The following KBTBD4 variants were observed in gnomAD, a reference collection of about 807,000 sequenced individuals.
KBTBD4 encodes kelch repeat and BTB domain-containing protein 4.
Under a neutral mutation model 43.9 loss-of-function variants are expected in KBTBD4, and 30 were observed. The observed-to-expected ratio is 0.68, with a 90% confidence interval of 0.51 to 0.93. The LOEUF (loss-of-function observed/expected upper bound fraction) is 0.93. Among genes scored for constraint, KBTBD4 ranks in the 40% least tolerant of loss-of-function variants. KBTBD4 has a pLI of 0.00. For missense variants in KBTBD4, 575 were observed against 668.8 expected, an observed-to-expected ratio of 0.86 and a Z score of 1.55; for synonymous variants, 258 against 256.9, an observed-to-expected ratio of 1.00 and a Z score of -0.04.
chr11:47,577,956 T>C lies in KBTBD4; in HGVS notation c.92A>G (p.Tyr31Cys). ...ATCTTTGAAAGTGTAGTTCACAAAG[T>C]AGTTCTCATCCATGGATGCTCCAGG... is the stretch of plus-strand genomic sequence containing the variant. Reference protein sequence around the residue: ...EEPGASMDENYFVNYTFKDRS... With the variant: ...EEPGASMDENCFVNYTFKDRS... The change falls in exon 2 of 4, where the codon TAC becomes TGC. Residue 31 changes from tyrosine to cysteine, a missense_variant. Transcript: ENST00000430070. The C allele has an allele frequency of 6.2e-7, 1 of 1,614,198 alleles. No individual in the cohort carries two copies. Among genetic ancestry groups the C allele is most frequent in the African/African-American group, 1.3e-5 (1 of 75,042 alleles).
At position 47,577,890 on chromosome 11, in the gene KBTBD4, A is replaced by G. The variant is rs760478581; in HGVS notation, c.158T>C (p.Leu53Pro). 5 of 1,614,088 alleles carry G rather than the reference A, an allele frequency of 3.1e-6. No individual in the cohort carries two copies. The highest frequency in any genetic ancestry group is 2.2e-5 in the East Asian group (1 of 44,900). ...AGCAAAGAGCTCCTCCTCTAGACAC[A>G]GTTTCATGATGCCTTGAGCCACACG... ...SGRVAQGIMK[L>P]CLEEELFADV... The change falls in exon 2 of 4, where the codon CTG (leucine) becomes CCG (proline). Residue 53 changes from leucine to proline, a missense_variant. Leu to Pro is a moderately conservative substitution (Grantham distance 98, BLOSUM62 -3). Transcript: ENST00000430070.
intron 1 of KBTBD4, 82 bp downstream of exon 1, chr11:47,578,851 G>A: frequency 1.3e-6 from 2 of 1,545,288 alleles, no homozygotes; most frequent in Non-Finnish European, 1.7e-6. Context: ...CAGCGTCCTC[G>A]CCTTCTCTCT....
Position 47,573,131 on chromosome 11 carries a change from G to A in KBTBD4, c.1404C>T (p.Thr468=), listed in dbSNP as rs897496370. 5.6e-6 allele frequency: 9 copies of A among 1,614,082 alleles called. No homozygotes were observed. Among genetic ancestry groups the A allele is most frequent in the Non-Finnish European group, 7.6e-6 (9 of 1,180,038 alleles). ...VCYNPLLDSF[T]RLCLPEAWSS... Reference sequence around the variant, plus strand: ...TCCAGGCCTCAGGAAGGCAAAGCCGGGTGAAGCTGTCTAGCAAGGGATTGT... The same window carrying A: ...TCCAGGCCTCAGGAAGGCAAAGCCGAGTGAAGCTGTCTAGCAAGGGATTGT... Residue 468 remains threonine (T), a synonymous_variant, in exon 4 of 4, where the codon ACC becomes ACT. Transcript: ENST00000430070. The surrounding 1 kb of genome is among the most constrained non-coding windows in gnomAD (Gnocchi z 4.1).
chr11:47,572,805 G>GAAA lies in KBTBD4; in HGVS notation c.*124_*125insTTT, dbSNP rs2097251554. The GAAA allele has an allele frequency of 1.0e-6, 1 of 980,788 alleles. No homozygotes were observed. The highest frequency in any genetic ancestry group is 1.5e-6 in the Non-Finnish European group (1 of 669,804). 60.8% of individuals were successfully genotyped at this position (980,788 alleles called of 1,614,324 possible). ...AGAACACCTCCATGGATTCAGGGAA[G>GAAA]GGCTGAGGCACTGCCTTTCTAGTAT... is the stretch of plus-strand genomic sequence containing the variant. On this transcript the variant is annotated 3_prime_UTR_variant, in exon 4 of 4. Coordinates refer to ENST00000430070, the MANE Select transcript of KBTBD4 (RefSeq NM_018095.6).
chr11:47,574,865 G>A (rs1422393605), intron 3 of KBTBD4, among the ~76,000 whole-genome samples: 1 of 88,202 alleles, frequency 1.1e-5, no homozygotes, highest in Admixed American at 1.4e-4. Flanking sequence ...TCTCTCTCTA[G>A]CCTGGGCAAC....
In KBTBD4 at chr11:47,573,513, G is replaced by A; in HGVS notation, c.1022C>T (p.Ser341Phe). ...ATATATGGCATCTTTCCCGGGCACA[G>A]ACACCAGGGTGTGCTGGAGCCGGTC... is the stretch of plus-strand genomic sequence containing the variant. ...PRDRLQHTLV[S>F]VPGKDAIYSL... Residue 341 changes from serine to phenylalanine, a missense_variant, in exon 4 of 4, where the codon TCT becomes TTT. Ser to Phe is a radical substitution (Grantham distance 155, BLOSUM62 -2). Transcript: ENST00000430070. The surrounding 1 kb of genome is among the most constrained non-coding windows in gnomAD (Gnocchi z 4.1). The A allele has an allele frequency of 1.2e-6, 2 of 1,614,204 alleles. No homozygotes were observed. The highest frequency in any genetic ancestry group is 1.7e-6 in the Non-Finnish European group (2 of 1,180,044).
At position 47,577,977 on chromosome 11, in the gene KBTBD4, C is replaced by T; in HGVS notation, c.71G>A (p.Gly24Glu). ...AAAGTAGTTCTCATCCATGGATGCTCCAGGCTCCTCTGGTGATTCCATGCT... is the reference window on the plus strand; with the variant it reads ...AAAGTAGTTCTCATCCATGGATGCTTCAGGCTCCTCTGGTGATTCCATGCT... ...LASMESPEEPGASMDENYFVN... is the reference protein window; with the variant it reads ...LASMESPEEPEASMDENYFVN... Residue 24 changes from glycine to glutamate, a missense_variant, in exon 2 of 4, where the codon GGA (glycine) becomes GAA (glutamate). Coordinates refer to ENST00000430070, the MANE Select transcript of KBTBD4 (RefSeq NM_018095.6). 2.5e-6 allele frequency: 4 copies of T among 1,614,202 alleles called. No individual in the cohort carries two copies. Among genetic ancestry groups the T allele is most frequent in the Non-Finnish European group, 2.5e-6 (3 of 1,180,028 alleles).
At chr11:47,574,251 C>A (rs2097255219) in intron 3 of KBTBD4, among the ~76,000 whole-genome samples, 1 of 152,120 alleles carries the variant, frequency 6.6e-6, no homozygotes, top group Non-Finnish European at 1.5e-5. Context: ...CATCTCAGCA[C>A]TTTGGGAGGC....
intron 3 of KBTBD4, 87 bp downstream of exon 3, chr11:47,575,506 C>CAAAA: frequency 3.1e-5 from 21 of 686,308 alleles, no homozygotes; most frequent in Admixed American, 1.1e-4. Context: ...GACTCCATCT[C>CAAAA]AAAAAAAAAA....
chr11:47,576,706 TTGCTCTGTCGCCCAGGCTGGAG>T (rs2097260310), intron 2 of KBTBD4: 1 of 149,656 alleles, frequency 6.7e-6, no homozygotes, highest in Non-Finnish European at 1.5e-5. Context: ...AGATGGAATC[TTGCTCTGTCGCCCAGGCTGGAG>T]TGCGGTGGCG....
chr11:47,577,468 GC>G lies in KBTBD4; in HGVS notation c.579del (p.Gln194ArgfsTer32). 6.2e-7 allele frequency: 1 copy of G among 1,613,290 alleles called. No individual in the cohort carries two copies. Among genetic ancestry groups the G allele is most frequent in the Admixed American group, 1.7e-5 (1 of 59,990 alleles). On this transcript the variant is annotated frameshift_variant, in exon 2 of 4. Transcript: ENST00000430070. LOFTEE classifies it high-confidence loss of function. ...KHCAKTHLAQ[L>X]QNTEEFLHLP... ...AAGTGGAGAAATTCCTCTGTATTCT[GC>G]AGCTGGGCCAGGTGGGTCTTGGCAC...
rs183844528 is a variant in KBTBD4 at position 47,573,986 on chromosome 11, A to T, written c.745-196T>A. On this transcript the variant is annotated intron_variant, in intron 3 of 3. Transcript: ENST00000430070. The surrounding 1 kb of genome is among the most constrained non-coding windows in gnomAD (Gnocchi z 4.1). ...TTATGCCGGGCGGAGAATCTGTTGT[A>T]TTCATCCTTGTAGCTTTTAAAAAAC... Among the ~76,000 whole-genome samples the T allele has an allele frequency of 5.9e-3, 896 of 152,188 alleles. 7 individuals carry two copies. Among genetic ancestry groups the T allele is most frequent in the Non-Finnish European group, 7.2e-3 (488 of 68,002 alleles).
At position 47,577,610 on chromosome 11, in the gene KBTBD4, G is replaced by A; in HGVS notation, c.438C>T (p.Leu146=). 3 of 1,614,182 alleles carry A rather than the reference G, an allele frequency of 1.9e-6. No individual in the cohort carries two copies. Among genetic ancestry groups the A allele is most frequent in the Admixed American group, 3.3e-5 (2 of 60,020 alleles). The change falls in exon 2 of 4, where the codon CTC becomes CTT. Residue 146 remains leucine (L), a synonymous_variant. Transcript: ENST00000430070. ...EVSDMYQLTS[L]FEECSRFLAR... ...CCAAAAACCGAGAGCATTCCTCAAA[G>A]AGAGATGTCAGCTGATACATGTCTG... is the stretch of plus-strand genomic sequence containing the variant.
chr11:47,572,635 GA>G lies in KBTBD4; in HGVS notation c.*294del, dbSNP rs2097251174. 1 of 421,450 alleles carries G rather than the reference GA, an allele frequency of 2.4e-6. No individual in the cohort carries two copies. The highest frequency in any genetic ancestry group is 4.3e-6 in the Non-Finnish European group (1 of 234,254). The allele number at this position is 421,450 out of a possible 1,614,324, so 26.1% of individuals were successfully genotyped here. A position where few individuals can be genotyped will look rare whatever the true frequency, so the allele number is the denominator to read the frequency against. On this transcript the variant is annotated 3_prime_UTR_variant, in exon 4 of 4. Transcript: ENST00000430070. ...TTTAACATTGATCAGGTAAAGAGGA[GA>G]GGCTGTGCCTAAGGTCTGAGAAAAG...
rs534513980 is a variant in KBTBD4, at chr11:47,574,608, ACT to A, written c.745-820_745-819del. Among the ~76,000 whole-genome samples the A allele has an allele frequency of 2.0e-3, 299 of 151,600 alleles. 1 individual carries two copies. Among genetic ancestry groups the A allele is most frequent in the African/African-American group, 6.9e-3 (284 of 41,274 alleles). On this transcript the variant is annotated intron_variant, in intron 3 of 3. Transcript: ENST00000430070. ...ATTGGCTCATGCCTGTAATCCCAAG[ACT>A]CTGGGAGGCCAAGGTGGGTGGATCA...
intron 1 of KBTBD4, 89 bp downstream of exon 1, chr11:47,578,844 C>A (rs1233552915): frequency 4.8e-5 from 74 of 1,548,558 alleles, no homozygotes; most frequent in Non-Finnish European, 6.1e-5. Context: ...GGTTCTTCAG[C>A]GTCCTCGCCT....
intron 3 of KBTBD4, among the ~76,000 whole-genome samples, chr11:47,574,693 A>G (rs2097255866): frequency 6.6e-6 from 1 of 151,706 alleles, no homozygotes; most frequent in Non-Finnish European, 1.5e-5. Flanking sequence ...ATCTCTACTA[A>G]AAATACAACA....
chr11:47,573,216 T>G lies in KBTBD4; in HGVS notation c.1319A>C (p.His440Pro). ...CACCAGATCTTTATGCACAGCTGCG[T>G]GCATGCGGCCTGCAAAGGGCAGCAC... Reference protein sequence around the residue: ...PYVLPFAGRMHAAVHKDLVFI... With the variant: ...PYVLPFAGRMPAAVHKDLVFI... Residue 440 changes from histidine to proline, a missense_variant, in exon 4 of 4, where the codon CAC (histidine) becomes CCC (proline). His to Pro is a moderately conservative substitution (Grantham distance 77, BLOSUM62 -2). Transcript: ENST00000430070. This position sits in a 1 kb window ranked among gnomAD's most constrained non-coding sequence, Gnocchi z 4.1. 6.2e-7 allele frequency: 1 copy of G among 1,614,168 alleles called. No homozygotes were observed. Among genetic ancestry groups the G allele is most frequent in the Non-Finnish European group, 8.5e-7 (1 of 1,180,028 alleles).
Position 47,577,611 on chromosome 11 carries a change from A to G in KBTBD4, c.437T>C (p.Leu146Pro). The G allele has an allele frequency of 6.2e-7, 1 of 1,614,174 alleles. No homozygotes were observed. Reference protein sequence around the residue: ...EVSDMYQLTSLFEECSRFLAR... With the variant: ...EVSDMYQLTSPFEECSRFLAR... ...CAAAAACCGAGAGCATTCCTCAAAG[A>G]GAGATGTCAGCTGATACATGTCTGA... The change falls in exon 2 of 4, where the codon CTC (leucine) becomes CCC (proline). Residue 146 changes from leucine to proline, a missense_variant. By Grantham distance (98) the Leu-to-Pro change is moderately conservative. Coordinates refer to ENST00000430070, the MANE Select transcript of KBTBD4 (RefSeq NM_018095.6).
Sources: allele counts gnomAD v4.1 joint callset (sites outside exome capture counted in the v4.1 genomes callset), GRCh38; gene constraint gnomAD v4.1.1; non-coding constraint Gnocchi (gnomAD v3.1); transcripts MANE v1.5; gene names NCBI Gene and HGNC (gene_info 2026-07-23, HGNC 2026-07-21).